Variants in TTC34 observed in about 807,000 individuals in gnomAD.
TTC34 encodes the protein tetratricopeptide repeat domain 34.
A neutral mutation model predicts 40.7 loss-of-function variants in TTC34; 44 were observed. The ratio of observed to expected loss-of-function variants is 1.08; its 90% CI spans 0.85 to 1.39. TTC34 has a LOEUF of 1.39. Ranked by LOEUF, TTC34 falls within the 40% of genes most tolerant of loss-of-function variation. The pLI, the probability that TTC34 is intolerant of heterozygous loss-of-function variation, is 0.00. For synonymous variants in TTC34, 422 were observed against 398.6 expected, an observed-to-expected ratio of 1.06 and a Z score of -0.70; for missense variants, 884 against 838.0, an observed-to-expected ratio of 1.05 and a Z score of -0.68.
chr1:2,687,472 A>G (rs1640417167), intron 6 of TTC34, among the ~76,000 whole-genome samples: 1 of 147,282 alleles, frequency 6.8e-6, no homozygotes, highest in African/African-American at 2.7e-5. Context: ...GACAGCCTGG[A>G]ACAGCACCCA....
At chr1:2,789,521 C>T (rs1306669558) in exon 3 of TTC34, 4 of 1,502,838 alleles carry the variant, frequency 2.7e-6, no homozygotes, top group African/African-American at 2.9e-5. Flanking sequence ...CGTGGTGGGG[C>T]CGCCCGTCTC....
At chr1:2,767,989 TG>T (rs1557647639) in intron 6 of TTC34, among the ~76,000 whole-genome samples, 1 of 149,810 alleles carries the variant, frequency 6.7e-6, no homozygotes, top group Admixed American at 6.7e-5. Context: ...TGTGACTGCG[TG>T]GAACAGCACG....
intron 6 of TTC34, among the ~76,000 whole-genome samples, chr1:2,681,651 A>G (rs1388434222): frequency 1.3e-5 from 1 of 78,830 alleles, no homozygotes; most frequent in Non-Finnish European, 3.1e-5. Flanking sequence ...GACAGCCTGG[A>G]GCAGCATCCA....
At chr1:2,691,103 T>G (rs372603669) in intron 6 of TTC34, among the ~76,000 whole-genome samples, 5 of 39,060 alleles carry the variant, frequency 1.3e-4, no homozygotes, top group African/African-American at 2.6e-4. Context: ...ACCCACACCT[T>G]CAGGTGAGCA....
At chr1:2,775,714 C>T (rs976371269) in intron 6 of TTC34, 1 of 147,358 alleles carries the variant, frequency 6.8e-6, no homozygotes, top group African/African-American at 2.7e-5. Context: ...CCCACATCCC[C>T]AGGTAAGTGT....
At chr1:2,769,730 C>G (rs1398941172) in intron 6 of TTC34, among the ~76,000 whole-genome samples, 3 of 146,546 alleles carry the variant, frequency 2.0e-5, no homozygotes, top group Non-Finnish European at 4.5e-5. Context: ...GAGCATCTGA[C>G]AGCCTGGAGC....
At chr1:2,700,104 C>T (rs1220959556) in intron 6 of TTC34, among the ~76,000 whole-genome samples, 4 of 119,914 alleles carry the variant, frequency 3.3e-5, no homozygotes, top group South Asian at 2.5e-4. Context: ...CCCAGGTGAG[C>T]ATCCGAGAGC....
chr1:2,767,728 C>A (rs1641815708), intron 6 of TTC34, among the ~76,000 whole-genome samples: 2 of 143,642 alleles, frequency 1.4e-5, no homozygotes, highest in South Asian at 2.4e-4. Flanking sequence ...CCCCGCTCTT[C>A]CAGGTGAGAA....
intron 6 of TTC34, among the ~76,000 whole-genome samples, chr1:2,750,613 T>G (rs1569690267): frequency 3.0e-4 from 39 of 128,630 alleles, no homozygotes; most frequent in African/African-American, 5.6e-4. Context: ...CACCCACAGG[T>G]GAGCATCTGA....
At chr1:2,756,607 G>T (rs1641513728) in intron 6 of TTC34, among the ~76,000 whole-genome samples, 8 of 152,046 alleles carry the variant, frequency 5.3e-5, no homozygotes, top group Non-Finnish European at 8.8e-5. Flanking sequence ...GCATCTGACA[G>T]CCTGGAACAG....
intron 6 of TTC34, among the ~76,000 whole-genome samples, chr1:2,779,392 C>A (rs1029362653): frequency 2.0e-5 from 3 of 152,010 alleles, no homozygotes; most frequent in African/African-American, 7.3e-5. Context: ...GGCAGGATCT[C>A]AGCTCACTGC....
intron 6 of TTC34, among the ~76,000 whole-genome samples, chr1:2,683,180 G>A (rs1261848777): frequency 9.0e-4 from 59 of 65,728 alleles, no homozygotes; most frequent in Middle Eastern, 0.017. Context: ...AGCCTGGAGC[G>A]GAACCCACGG....
Position 2,684,562 on chromosome 1 carries a change from G to C in TTC34, c.2227-38999C>G, listed in dbSNP as rs550965982. The stretch of plus-strand genomic sequence containing the variant: ...TCCTGAAACAGCTCCCACAACCCCA[G>C]GTGAGCATCCGATAGCCTGGAGCAA... On this transcript the variant is annotated intron_variant, in intron 6 of 8. Coordinates refer to ENST00000401095, the Ensembl canonical transcript of TTC34. Among the ~76,000 whole-genome samples, 299 of 138,136 alleles carry C rather than the reference G, an allele frequency of 2.2e-3. 16 individuals are homozygous for C. Among genetic ancestry groups the C allele is most frequent in the African/African-American group, 8.8e-3 (285 of 32,362 alleles). The allele number at this position is 138,136 out of a possible 152,430, so 90.6% of individuals were successfully genotyped here. A position where few individuals can be genotyped will look rare whatever the true frequency, so the allele number is the denominator to read the frequency against.
At chr1:2,683,425 C>CACGCCCAGGTGAGCATCCGACAG (rs1640170031) in intron 6 of TTC34, among the ~76,000 whole-genome samples, 1 of 112,676 alleles carries the variant, frequency 8.9e-6, no homozygotes, top group Non-Finnish European at 1.8e-5. Flanking sequence ...TGGAACACCA[C>CACGCCCAGGTGAGCATCCGACAG]CCTTCACCCC....
chr1:2,682,570 CGTGG>C (rs1640128417), intron 6 of TTC34, among the ~76,000 whole-genome samples: 1 of 138,318 alleles, frequency 7.2e-6, no homozygotes, highest in Non-Finnish European at 1.6e-5. Context: ...CATCTGACAG[CGTGG>C]AGCAGCACCC....
chr1:2,694,636 G>A lies in TTC34; in HGVS notation c.2227-49073C>T, dbSNP rs1640776449. Among the ~76,000 whole-genome samples the A allele has an allele frequency of 2.4e-5, 2 of 83,592 alleles. 1 individual carries two copies. The highest frequency in any genetic ancestry group is 7.7e-5 in the African/African-American group (2 of 25,932). 54.8% of individuals were successfully genotyped at this position (83,592 alleles called of 152,430 possible). On this transcript the variant is annotated intron_variant, in intron 6 of 8. Transcript: ENST00000401095. Reference sequence around the variant, plus strand: ...CCACGGAGCAGCACCCACACCTCCCGGCGAGCATCTGACGGCCTGGAACAG... The same window carrying A: ...CCACGGAGCAGCACCCACACCTCCCAGCGAGCATCTGACGGCCTGGAACAG...
intron 6 of TTC34, among the ~76,000 whole-genome samples, chr1:2,754,138 C>A (rs1274899326): frequency 5.8e-5 from 2 of 34,238 alleles, no homozygotes; most frequent in Non-Finnish European, 9.2e-5. Context: ...GCACCCACAC[C>A]CCCAGGTGCG....
intron 6 of TTC34, among the ~76,000 whole-genome samples, chr1:2,768,504 G>T (rs554015473): frequency 6.6e-6 from 1 of 151,428 alleles, no homozygotes; most frequent in South Asian, 2.1e-4. Flanking sequence ...CCCGCCCTCA[G>T]GTGAGTGTCT....
intron 2 of TTC34, among the ~76,000 whole-genome samples, chr1:2,797,313 G>A (rs1400760922): frequency 6.6e-6 from 1 of 151,828 alleles, no homozygotes; most frequent in East Asian, 1.9e-4. Context: ...GATGGGGGCT[G>A]GGGCACGAGG....
Sources: gnomAD v4.1 joint callset for allele counts (sites outside exome capture counted in the v4.1 genomes callset) on GRCh38, gnomAD v4.1.1 for gene constraint, MANE v1.5 for transcripts, NCBI Gene and HGNC (gene_info 2026-07-23, HGNC 2026-07-21) for gene names.